PTPRQ: variants seen among roughly 807,000 people sequenced by gnomAD.
PTPRQ encodes protein tyrosine phosphatase receptor type Q, also known as phosphatidylinositol phosphatase PTPRQ.
In PTPRQ, 199 loss-of-function variants were observed where a neutral mutation model predicts 246.0. The observed-to-expected ratio is 0.81, with a 90% CI of 0.72 to 0.91. The LOEUF is 0.91. Among genes scored for constraint, PTPRQ ranks in the 40% least tolerant of loss-of-function variants. The pLI is 0.00. For synonymous variants in PTPRQ, 869 were observed against 853.2 expected (o/e 1.02, Z -0.32); for missense variants, 2,624 against 2,528.4 (o/e 1.04, Z -0.81).
chr12:80,621,326 A>G (rs1423090865), intron 32 of PTPRQ, among the ~76,000 whole-genome samples: 1 of 151,926 alleles, frequency 6.6e-6, no homozygotes, highest in Non-Finnish European at 1.5e-5. Context: ...TTTATTTTGC[A>G]TATTTGTTCC....
chr12:80,493,496 A>G (rs1894516562), intron 10 of PTPRQ, 41 bp downstream of exon 10: 1 of 1,531,638 alleles, frequency 6.5e-7, no homozygotes, highest in African/African-American at 1.4e-5. Context: ...CATTTAAACC[A>G]CCAGTGCTAG....
intron 26 of PTPRQ, among the ~76,000 whole-genome samples, chr12:80,593,275 A>G (rs575352606): frequency 6.6e-6 from 1 of 152,286 alleles, no homozygotes; most frequent in East Asian, 1.9e-4. Context: ...AGTAACTCCA[A>G]TAAAAGACCA....
At chr12:80,446,092 A>T (rs1204796117) in intron 3 of PTPRQ, among the ~76,000 whole-genome samples, 3 of 151,874 alleles carry the variant, frequency 2.0e-5, no homozygotes, top group Non-Finnish European at 4.4e-5. Context: ...AAACCACAGG[A>T]TGTTACACAG....
intron 26 of PTPRQ, among the ~76,000 whole-genome samples, chr12:80,601,027 C>T (rs1261478984): frequency 6.6e-6 from 1 of 151,642 alleles, no homozygotes; most frequent in East Asian, 2.0e-4. Context: ...TCCAAACAGC[C>T]AAACAGTATT....
Position 80,542,381 on chromosome 12 carries a change from A to G in PTPRQ, c.3721+17A>G. 2 of 1,518,328 alleles carry G rather than the reference A, an allele frequency of 1.3e-6. No homozygotes were observed. The highest frequency in any genetic ancestry group is 2.6e-5 in the South Asian group (2 of 76,792). 94.1% of individuals were successfully genotyped at this position (1,518,328 alleles called of 1,614,324 possible). A position where few individuals can be genotyped will look rare whatever the true frequency, so the allele number is the denominator to read the frequency against. The stretch of plus-strand genomic sequence containing the variant: ...ATGAGTCAGGTAAGCCAGAATCCAC[A>G]TTTCTTCAAACAATTTCACTGTTGC... On this transcript the variant is annotated intron_variant, in intron 22 of 44. Transcript: ENST00000644991.
In PTPRQ at chr12:80,510,306, A is replaced by G; in HGVS notation, c.2558-17A>G. The G allele has an allele frequency of 7.8e-6, 12 of 1,533,796 alleles. No individual in the cohort carries two copies. The highest frequency in any genetic ancestry group is 1.1e-5 in the Non-Finnish European group (12 of 1,139,506). On this transcript the variant is annotated splice_polypyrimidine_tract_variant and intron_variant, in intron 16 of 44. Coordinates refer to ENST00000644991, the MANE Select transcript of PTPRQ (RefSeq NM_001145026.2). ...TATGTTTAATAAAACACATTATTCTATACCCTAACTTTACAGCTCCTGATT... is the reference window on the plus strand; with the variant it reads ...TATGTTTAATAAAACACATTATTCTGTACCCTAACTTTACAGCTCCTGATT...
chr12:80,548,087 TGA>T (rs1237492749), intron 24 of PTPRQ, among the ~76,000 whole-genome samples: 1 of 152,134 alleles, frequency 6.6e-6, no homozygotes, highest in Non-Finnish European at 1.5e-5. Flanking sequence ...TATTTGTACA[TGA>T]GGACAATAAG....
chr12:80,648,335 AT>A (rs1900145010), intron 35 of PTPRQ, among the ~76,000 whole-genome samples: 1 of 152,100 alleles, frequency 6.6e-6, no homozygotes, highest in South Asian at 2.1e-4. Context: ...AGCTGTTAAA[AT>A]TATTTTTGTT....
intron 19 of PTPRQ, among the ~76,000 whole-genome samples, chr12:80,539,468 T>C (rs745826317): frequency 2.6e-5 from 4 of 152,176 alleles, no homozygotes; most frequent in Non-Finnish European, 5.9e-5. Context: ...AGGAAAGTGA[T>C]GCTGATCAGC....
chr12:80,542,202 A>G lies in PTPRQ; in HGVS notation c.3559A>G (p.Thr1187Ala). 1.3e-6 allele frequency: 2 copies of G among 1,551,170 alleles called. No individual in the cohort carries two copies. Among genetic ancestry groups the G allele is most frequent in the Non-Finnish European group, 1.7e-6 (2 of 1,146,650 alleles). ...PNGAIISYDL[T>A]LQGPNENYSF... ...TGGTGCAATAATAAGTTATGATTTA[A>G]CTTTACAAGGACCAAATGAAAATTA... is the stretch of plus-strand genomic sequence containing the variant. Residue 1187 changes from threonine to alanine, a missense_variant, in exon 22 of 45, where the codon ACT becomes GCT. Coordinates refer to ENST00000644991, the MANE Select transcript of PTPRQ (RefSeq NM_001145026.2).
chr12:80,553,062 A>G (rs1896534567), intron 25 of PTPRQ, among the ~76,000 whole-genome samples: 1 of 152,092 alleles, frequency 6.6e-6, no homozygotes, highest in South Asian at 2.1e-4. Context: ...AAAGCCTTGG[A>G]CATTGTAGGC....
Position 80,541,806 on chromosome 12 carries a change from A to G in PTPRQ, c.3406A>G (p.Thr1136Ala). Residue 1136 changes from threonine to alanine, a missense_variant, in exon 21 of 45, where the codon ACC becomes GCC. Physicochemically the swap from Thr to Ala is moderately conservative, Grantham distance 58. Coordinates refer to ENST00000644991, the MANE Select transcript of PTPRQ (RefSeq NM_001145026.2). ...ATCAACAGAAAAGGGATTCTCTGAT[A>G]CCTATACTGCCCAGCTATACATCAA... Reference protein sequence around the residue: ...TPSTEKGFSDTYTAQLYIKTE... With the variant: ...TPSTEKGFSDAYTAQLYIKTE... 1 of 1,550,246 alleles carries G rather than the reference A, an allele frequency of 6.5e-7. No individual in the cohort carries two copies. Among genetic ancestry groups the G allele is most frequent in the Non-Finnish European group, 8.7e-7 (1 of 1,146,264 alleles).
chr12:80,634,733 A>T, intron 34 of PTPRQ: 1 of 577,618 alleles, frequency 1.7e-6, no homozygotes, highest in Non-Finnish European at 2.6e-6. Context: ...TCATCCCAAT[A>T]ACTTATTAGA....
intron 3 of PTPRQ, among the ~76,000 whole-genome samples, chr12:80,448,951 C>A (rs557539767): frequency 8.9e-4 from 134 of 149,998 alleles, no homozygotes; most frequent in Middle Eastern, 3.4e-3. Flanking sequence ...AATCGCCACA[C>A]TGACTTCCAC....
intron 38 of PTPRQ, among the ~76,000 whole-genome samples, chr12:80,654,695 A>C (rs866814445): frequency 0.04 from 5,471 of 135,560 alleles, 386 homozygotes; most frequent in African/African-American, 0.16. Flanking sequence ...TAAAAATCCA[A>C]AAAAAAAAAA....
chr12:80,604,197 A>T (rs916799262), intron 26 of PTPRQ, among the ~76,000 whole-genome samples: 1 of 151,554 alleles, frequency 6.6e-6, no homozygotes, highest in Non-Finnish European at 1.5e-5. Flanking sequence ...GGAAATACTT[A>T]TCTCTCAATA....
intron 25 of PTPRQ, among the ~76,000 whole-genome samples, chr12:80,581,715 A>G (rs1478890956): frequency 2.0e-5 from 3 of 152,206 alleles, no homozygotes; most frequent in African/African-American, 7.2e-5. Flanking sequence ...TTTGGAAAAT[A>G]TATCTTCATC....
intron 9 of PTPRQ, among the ~76,000 whole-genome samples, chr12:80,490,615 G>C (rs185191047): frequency 6.6e-6 from 1 of 152,066 alleles, no homozygotes; most frequent in East Asian, 1.9e-4. Context: ...CACAACTGAG[G>C]TAGCTGGGGG....
intron 37 of PTPRQ, among the ~76,000 whole-genome samples, chr12:80,652,017 A>G (rs989109450): frequency 6.6e-6 from 1 of 152,134 alleles, no homozygotes; most frequent in Non-Finnish European, 1.5e-5. Flanking sequence ...AGTGCTTTTT[A>G]TGGAATTTGG....
Sources: gnomAD v4.1 joint callset for allele counts (sites outside exome capture counted in the v4.1 genomes callset) on GRCh38, gnomAD v4.1.1 for gene constraint, MANE v1.5 for transcripts, NCBI Gene and HGNC (gene_info 2026-07-23, HGNC 2026-07-21) for gene names.